The following CCDC169 variants were observed in gnomAD, a reference collection of about 807,000 sequenced individuals.
CCDC169 encodes the protein coiled-coil domain-containing protein 169.
CCDC169 carries 30 observed loss-of-function variants against 36.0 expected under a neutral mutation model. The ratio of observed to expected loss-of-function variants is 0.83; its 90% CI spans 0.62 to 1.13. CCDC169 has a LOEUF of 1.13. CCDC169 is among the 50% of genes most tolerant of loss of function. The pLI, the probability that CCDC169 is intolerant of heterozygous loss-of-function variation, is 0.00. For synonymous variants in CCDC169, 85 were observed against 81.5 expected, an observed-to-expected ratio of 1.04 and a Z score of -0.23; for missense variants, 245 against 245.9, an observed-to-expected ratio of 1.00 and a Z score of 0.03.
chr13:36,260,319 C>T (rs897819595), intron 4 of CCDC169, among the ~76,000 whole-genome samples: 1 of 152,154 alleles, frequency 6.6e-6, no homozygotes, highest in Non-Finnish European at 1.5e-5. Flanking sequence ...GGATGTCCTA[C>T]TGTTAACTGT....
chr13:36,276,549 T>C (rs1241553086), intron 4 of CCDC169, among the ~76,000 whole-genome samples: 1 of 152,158 alleles, frequency 6.6e-6, no homozygotes, highest in African/African-American at 2.4e-5. Context: ...TCTTGTTAGC[T>C]TTAGGAACAG....
At chr13:36,293,368 TTA>T (rs1345012109) in intron 2 of CCDC169, among the ~76,000 whole-genome samples, 2 of 152,182 alleles carry the variant, frequency 1.3e-5, no homozygotes, top group African/African-American at 4.8e-5. Context: ...CCAAATGGCT[TTA>T]TGTTTAATGC....
intron 4 of CCDC169, among the ~76,000 whole-genome samples, chr13:36,256,769 G>A (rs777700615): frequency 6.6e-6 from 1 of 152,200 alleles, no homozygotes; most frequent in Admixed American, 6.5e-5. Context: ...CCTCACCCTG[G>A]GCTGAACCCC....
At chr13:36,268,080 T>A (rs1875561991) in intron 4 of CCDC169, among the ~76,000 whole-genome samples, 1 of 151,838 alleles carries the variant, frequency 6.6e-6, no homozygotes, top group Non-Finnish European at 1.5e-5. Context: ...AGACAGAAAG[T>A]CAACAAACAA....
chr13:36,224,213 C>T (rs1869747251), downstream of CCDC169: 1 of 151,918 alleles, frequency 6.6e-6, no homozygotes, highest in African/African-American at 2.4e-5. Context: ...ATTGTTTTGA[C>T]ATCTTGGTTG....
Position 36,277,678 on chromosome 13 carries a change from T to C in CCDC169, c.315+5791A>G, listed in dbSNP as rs181821296. 4.5e-3 allele frequency among the ~76,000 whole-genome samples: 681 copies of C among 152,164 alleles called. 12 individuals are homozygous for C. The highest frequency in any genetic ancestry group is 0.037 in the Admixed American group (564 of 15,282). The stretch of plus-strand genomic sequence containing the variant: ...CACTTTTTATTAAGAGGGTTAAATA[T>C]CAGCTGGGTGAGGTGGCTCACGCCT... On this transcript the variant is annotated intron_variant, in intron 4 of 7. Coordinates refer to ENST00000239859, the MANE Select transcript of CCDC169 (RefSeq NM_001144981.3).
intron 4 of CCDC169, among the ~76,000 whole-genome samples, chr13:36,277,277 C>A (rs1876943125): frequency 1.3e-5 from 2 of 151,924 alleles, no homozygotes; most frequent in Non-Finnish European, 2.9e-5. Flanking sequence ...AACACATGGA[C>A]ACAGAGAGGG....
downstream of CCDC169, among the ~76,000 whole-genome samples, chr13:36,229,930 G>A (rs1870235529): frequency 6.6e-6 from 1 of 152,058 alleles, no homozygotes; most frequent in East Asian, 1.9e-4. Flanking sequence ...CTAATGATAT[G>A]GGTCAAGGCA....
At chr13:36,246,962 G>A (rs1009048504) in intron 7 of CCDC169, among the ~76,000 whole-genome samples, 9 of 152,260 alleles carry the variant, frequency 5.9e-5, no homozygotes, top group East Asian at 1.9e-4. Flanking sequence ...ACAATGCCTC[G>A]CTTCAAAGCA....
chr13:36,235,722 T>C (rs1007323726), intron 7 of CCDC169, among the ~76,000 whole-genome samples: 6 of 151,762 alleles, frequency 4.0e-5, no homozygotes, highest in African/African-American at 1.4e-4. Context: ...TGTTCTTATA[T>C]ATAGAAAATA....
At chr13:36,271,958 G>A (rs9547052) in intron 4 of CCDC169, among the ~76,000 whole-genome samples, 38,350 of 151,104 alleles carry the variant, frequency 0.25, 5,132 homozygotes, top group East Asian at 0.49. Context: ...GGCAGTGCAT[G>A]TCTGTCATCC....
chr13:36,263,554 ATAAT>A (rs1874866346), intron 4 of CCDC169, among the ~76,000 whole-genome samples: 1 of 152,202 alleles, frequency 6.6e-6, no homozygotes, highest in Admixed American at 6.5e-5. Flanking sequence ...TATTAAGAGA[ATAAT>A]TAGGTGAAAC....
At chr13:36,229,825 G>A (rs1326372367), downstream of CCDC169, among the ~76,000 whole-genome samples, 1 of 151,992 alleles carries the variant, frequency 6.6e-6, no homozygotes, top group African/African-American at 2.4e-5. Context: ...TTACAGGTGT[G>A]AGCCACCACA....
intron 7 of CCDC169, among the ~76,000 whole-genome samples, chr13:36,231,509 A>C (rs1051965320): frequency 1.3e-5 from 2 of 152,184 alleles, no homozygotes; most frequent in African/African-American, 4.8e-5. Flanking sequence ...CATACAGCTT[A>C]AGGGCAGGTA....
intron 4 of CCDC169, among the ~76,000 whole-genome samples, chr13:36,281,913 C>T (rs1877589693): frequency 6.6e-6 from 1 of 151,640 alleles, no homozygotes; most frequent in Non-Finnish European, 1.5e-5. Context: ...ATATTTACCA[C>T]AATAAAAGAG....
intron 4 of CCDC169, chr13:36,281,212 G>A: frequency 2.3e-6 from 1 of 430,016 alleles, no homozygotes; most frequent in South Asian, 1.7e-5. Flanking sequence ...GATTCCTGAA[G>A]GCATTATACA....
chr13:36,293,351 A>G (rs1879129560), intron 2 of CCDC169, among the ~76,000 whole-genome samples: 1 of 152,114 alleles, frequency 6.6e-6, no homozygotes, highest in Non-Finnish European at 1.5e-5. Flanking sequence ...ATTACTTAGC[A>G]TATTCCCCAA....
rs867361402 is a variant in CCDC169, at chr13:36,264,856, G to A, written c.316-10713C>T. Among the ~76,000 whole-genome samples, 5 of 152,298 alleles carry A rather than the reference G, an allele frequency of 3.3e-5. No individual in the cohort carries two copies. In the South Asian group the frequency reaches 8.3e-4, roughly 25 times the overall value. ...ACCCAGACCCTGTCCTCATGAAGCTGAGAATCTAATAGGGGATTCAGAATG... is the reference window on the plus strand; with the variant it reads ...ACCCAGACCCTGTCCTCATGAAGCTAAGAATCTAATAGGGGATTCAGAATG... On this transcript the variant is annotated intron_variant, in intron 4 of 7. Coordinates refer to ENST00000239859, the MANE Select transcript of CCDC169 (RefSeq NM_001144981.3).
chr13:36,246,965 T>C (rs1872572751), intron 7 of CCDC169, among the ~76,000 whole-genome samples: 1 of 152,144 alleles, frequency 6.6e-6, no homozygotes, highest in Admixed American at 6.6e-5. Context: ...ATGCCTCGCT[T>C]CAAAGCATCA....
Sources: allele counts gnomAD v4.1 joint callset (sites outside exome capture counted in the v4.1 genomes callset), GRCh38; gene constraint gnomAD v4.1.1; transcripts MANE v1.5; gene names NCBI Gene and HGNC (gene_info 2026-07-23, HGNC 2026-07-21).